Variants in RABEPK observed in about 807,000 individuals in gnomAD.
RABEPK encodes 40 kDa Rab9 effector protein.
A neutral mutation model predicts 34.1 loss-of-function variants in RABEPK; 27 were observed. The observed-to-expected ratio is 0.79, with a 90% CI of 0.58 to 1.09. RABEPK has a LOEUF of 1.09. RABEPK is among the 50% of genes least tolerant of loss of function. The pLI, the probability that RABEPK is intolerant of heterozygous loss-of-function variation, is 0.00. For missense variants in RABEPK, 449 were observed against 462.6 expected (o/e 0.97, Z 0.27); for synonymous variants, 172 against 169.2 (o/e 1.02, Z -0.13).
chr9:125,220,341 G>A (rs201806373), intron 4 of RABEPK, 198 bp from the exon 5 acceptor site: 189 of 1,443,450 alleles, frequency 1.3e-4, no homozygotes, highest in Non-Finnish European at 1.6e-4. Context: ...TAAATCTTGG[G>A]GATTTTGGAC....
chr9:125,232,465 A>G (rs1464417462), intron 6 of RABEPK, 131 bp from the exon 7 acceptor site: 3 of 989,198 alleles, frequency 3.0e-6, no homozygotes, highest in Non-Finnish European at 2.9e-6. Context: ...AATAATTCTT[A>G]TGTGCACTAA....
chr9:125,214,411 A>G (rs1182317318), intron 4 of RABEPK, among the ~76,000 whole-genome samples: 1 of 152,224 alleles, frequency 6.6e-6, no homozygotes, highest in Non-Finnish European at 1.5e-5. Context: ...AAATGTCAGT[A>G]GTGCCAAAGT....
At chr9:125,215,846 T>C (rs1375503623) in intron 4 of RABEPK, among the ~76,000 whole-genome samples, 1 of 152,198 alleles carries the variant, frequency 6.6e-6, no homozygotes, top group African/African-American at 2.4e-5. Flanking sequence ...AAGGTTTTGA[T>C]ACATACTACC....
At chr9:125,231,284 ACT>A (rs1832158340) in intron 6 of RABEPK, among the ~76,000 whole-genome samples, 2 of 151,350 alleles carry the variant, frequency 1.3e-5, no homozygotes, top group Non-Finnish European at 2.9e-5. Context: ...ACAGAGTGAG[ACT>A]CTGTCTCAAA....
Position 125,221,575 on chromosome 9 carries a change from A to G in RABEPK, c.526+875A>G, listed in dbSNP as rs1831335766. 2.6e-5 allele frequency: 4 copies of G among 152,258 alleles called. No homozygotes were observed. In the South Asian group the frequency reaches 8.3e-4, roughly 32 times the overall value. 9.4% of individuals were successfully genotyped at this position (152,258 alleles called of 1,614,324 possible). A position where few individuals can be genotyped will look rare whatever the true frequency, so the allele number is the denominator to read the frequency against. Reference sequence around the variant, plus strand: ...ATACAATTTATAAAGTAAAAAAGTAAAAGAAAGAATAAGAAAGACAAAAAA... The same window carrying G: ...ATACAATTTATAAAGTAAAAAAGTAGAAGAAAGAATAAGAAAGACAAAAAA... On this transcript the variant is annotated intron_variant, in intron 5 of 7. Coordinates refer to ENST00000373538, the MANE Select transcript of RABEPK (RefSeq NM_005833.4).
intron 5 of RABEPK, among the ~76,000 whole-genome samples, chr9:125,226,275 C>T (rs1225188992): frequency 2.0e-5 from 3 of 151,302 alleles, no homozygotes; most frequent in Non-Finnish European, 4.4e-5. Context: ...GAAGATCGCA[C>T]TTGTGCATCC....
intron 2 of RABEPK, 112 bp from the exon 3 acceptor site, chr9:125,207,452 A>G: frequency 1.8e-6 from 2 of 1,118,052 alleles, no homozygotes; most frequent in East Asian, 2.4e-5. Context: ...TACAATTTAA[A>G]GTGTCTGCAT....
At chr9:125,215,085 C>T (rs532194018) in intron 4 of RABEPK, among the ~76,000 whole-genome samples, 5 of 151,986 alleles carry the variant, frequency 3.3e-5, no homozygotes, top group African/African-American at 1.2e-4. Flanking sequence ...CCAATGTGAC[C>T]GGCCCAGCTT....
At chr9:125,204,305 G>C (rs1425452719) in intron 2 of RABEPK, among the ~76,000 whole-genome samples, 3 of 151,744 alleles carry the variant, frequency 2.0e-5, no homozygotes, top group African/African-American at 7.3e-5. Context: ...CTCCTGACCG[G>C]GCGCAATAGC....
intron 3 of RABEPK, among the ~76,000 whole-genome samples, chr9:125,212,175 T>G (rs1409710663): frequency 6.6e-6 from 1 of 152,192 alleles, no homozygotes; most frequent in African/African-American, 2.4e-5. Context: ...AGGTCTTGTG[T>G]AATTGGTTAA....
chr9:125,220,644 G>T lies in RABEPK; in HGVS notation c.470G>T (p.Gly157Val). The T allele has an allele frequency of 3.1e-6, 5 of 1,614,200 alleles. No individual in the cohort carries two copies. The highest frequency in any genetic ancestry group is 4.2e-6 in the Non-Finnish European group (5 of 1,180,038). Residue 157 changes from glycine to valine, a missense_variant, in exon 5 of 8, where the codon GGC becomes GTC. Transcript: ENST00000373538. ...AIGNQLYVFGGGERGAQPVQD... is the reference protein window; with the variant it reads ...AIGNQLYVFGVGERGAQPVQD... ...GGAAACCAGCTATATGTCTTTGGGG[G>T]CGGAGAGAGAGGTGCCCAGCCCGTG...
chr9:125,219,052 G>A (rs1208323999), intron 4 of RABEPK, among the ~76,000 whole-genome samples: 1 of 151,902 alleles, frequency 6.6e-6, no homozygotes, highest in Non-Finnish European at 1.5e-5. Flanking sequence ...CTTTTAAAAA[G>A]TTACTTAATC....
At position 125,234,016 on chromosome 9, in the gene RABEPK, C is replaced by A. The variant is rs1203204042; in HGVS notation, c.*36C>A. On this transcript the variant is annotated 3_prime_UTR_variant, in exon 8 of 8. Transcript: ENST00000373538. ...ATTTTTATTACCTGTCAGTTACTTT[C>A]AGAATAGTTAAGTAAAACATTAGCT... The A allele has an allele frequency of 1.3e-6, 2 of 1,515,590 alleles. No homozygotes were observed. Among genetic ancestry groups the A allele is most frequent in the African/African-American group, 2.8e-5 (2 of 72,230 alleles). 93.9% of individuals were successfully genotyped at this position (1,515,590 alleles called of 1,614,324 possible). A position where few individuals can be genotyped will look rare whatever the true frequency, so the allele number is the denominator to read the frequency against.
rs1830856331 is a variant in RABEPK, at chr9:125,215,267, T to C, written c.364+1745T>C. Reference sequence around the variant, plus strand: ...GTTATTAATAACAATGCTTTGTTAATATAATATCATTTGTTTGTTTTTTTT... The same window carrying C: ...GTTATTAATAACAATGCTTTGTTAACATAATATCATTTGTTTGTTTTTTTT... On this transcript the variant is annotated intron_variant, in intron 4 of 7. Transcript: ENST00000373538. Among the ~76,000 whole-genome samples, 3 of 147,614 alleles carry C rather than the reference T, an allele frequency of 2.0e-5. No homozygotes were observed. The South Asian group carries it at 6.5e-4, about 32-fold the overall frequency.
intron 5 of RABEPK, 165 bp downstream of exon 5, chr9:125,220,865 C>A: frequency 2.0e-6 from 2 of 991,602 alleles, no homozygotes; most frequent in Non-Finnish European, 2.8e-6. Flanking sequence ...GCAAAATTGG[C>A]ATTTAAAAAG....
chr9:125,207,650 G>C lies in RABEPK; in HGVS notation c.140G>C (p.Arg47Thr), dbSNP rs55938451. 549 of 1,614,200 alleles carry C rather than the reference G, an allele frequency of 3.4e-4. No individual in the cohort carries two copies. The highest frequency in any genetic ancestry group is 4.4e-4 in the Non-Finnish European group (520 of 1,180,014). The change falls in exon 3 of 8, where the codon AGA becomes ACA. Residue 47 changes from arginine to threonine, a missense_variant. Physicochemically the swap from Arg to Thr is moderately conservative, Grantham distance 71. Transcript: ENST00000373538. ...TTACCCCCAGTTGGTAATGCCAAGAGAGGGAAGGTCTTCATTGTTGGGGGA... is the reference window on the plus strand; with the variant it reads ...TTACCCCCAGTTGGTAATGCCAAGACAGGGAAGGTCTTCATTGTTGGGGGA... ...SYLPPVGNAK[R>T]GKVFIVGGAN...
At chr9:125,225,480 T>A (rs530354499) in intron 5 of RABEPK, among the ~76,000 whole-genome samples, 2 of 151,836 alleles carry the variant, frequency 1.3e-5, no homozygotes, top group East Asian at 3.9e-4. Context: ...GGTCAGGAGT[T>A]TGAGACTAGC....
intron 2 of RABEPK, among the ~76,000 whole-genome samples, chr9:125,205,472 T>G (rs1291236451): frequency 3.9e-5 from 6 of 152,170 alleles, no homozygotes; most frequent in Non-Finnish European, 7.3e-5. Flanking sequence ...TGGTAACAGC[T>G]GTTATCCTCA....
At chr9:125,219,626 C>T (rs1831188007) in intron 4 of RABEPK, among the ~76,000 whole-genome samples, 1 of 152,028 alleles carries the variant, frequency 6.6e-6, no homozygotes, top group South Asian at 2.1e-4. Flanking sequence ...TGGTCTAGAA[C>T]TCCTACCCTC....
Sources: gnomAD v4.1 joint callset for allele counts (sites outside exome capture counted in the v4.1 genomes callset) on GRCh38, gnomAD v4.1.1 for gene constraint, MANE v1.5 for transcripts, NCBI Gene and HGNC (gene_info 2026-07-23, HGNC 2026-07-21) for gene names.